EHD1: variants seen among roughly 807,000 people sequenced by gnomAD.
EHD1 encodes the protein EH domain containing 1.
Under a neutral mutation model 39.0 loss-of-function variants are expected in EHD1, and 19 were observed. That is an observed-to-expected ratio of 0.49 (90% CI 0.34 to 0.72). EHD1 has a LOEUF of 0.72. Ranked by LOEUF, EHD1 falls within the 30% of genes least tolerant of loss-of-function variation. EHD1 has a pLI of 0.01. For missense variants in EHD1, 542 were observed against 751.5 expected, an observed-to-expected ratio of 0.72 and a Z score of 3.26; for synonymous variants, 323 against 331.2, an observed-to-expected ratio of 0.98 and a Z score of 0.27.
chr11:64,875,823 C>T (rs1307598649), intron 1 of EHD1, among the ~76,000 whole-genome samples: 2 of 152,138 alleles, frequency 1.3e-5, no homozygotes, highest in African/African-American at 4.8e-5. Flanking sequence ...CTCGCCAGTG[C>T]CAGTAGCAAT....
Position 64,852,818 on chromosome 11 carries a change from T to G in EHD1, c.*1515A>C, listed in dbSNP as rs577413149. ...GAACAAGCCACTGCAACTTCAACAG[T>G]GACTTCCCGGCAAGGACAGCGCCCG... On this transcript the variant is annotated 3_prime_UTR_variant, in exon 5 of 5. Transcript: ENST00000320631. The G allele has an allele frequency of 6.6e-6, 1 of 152,640 alleles. No homozygotes were observed. The highest frequency in any genetic ancestry group is 2.4e-5 in the African/African-American group (1 of 41,472). The allele number at this position is 152,640 out of a possible 1,614,324, so 9.5% of individuals were successfully genotyped here.
At chr11:64,877,972 G>T in intron 1 of EHD1, 89 bp downstream of exon 1, 1 of 1,346,078 alleles carries the variant, frequency 7.4e-7, no homozygotes, top group Non-Finnish European at 9.8e-7. Context: ...GACAAAGGAC[G>T]GCGGGGCGAC....
intron 1 of EHD1, among the ~76,000 whole-genome samples, chr11:64,875,289 G>A (rs1378940537): frequency 6.6e-6 from 1 of 152,188 alleles, no homozygotes. Context: ...GGTGGCTCAC[G>A]CCTGTAATCC....
upstream of EHD1, chr11:64,879,471 GA>G (rs1165144914): frequency 8.3e-6 from 11 of 1,324,206 alleles, no homozygotes; most frequent in Non-Finnish European, 6.2e-6. Context: ...CCTATGTGGG[GA>G]AGAGGGGAAG....
At chr11:64,866,051 T>C (rs1055735837) in intron 2 of EHD1, among the ~76,000 whole-genome samples, 2 of 152,142 alleles carry the variant, frequency 1.3e-5, no homozygotes, top group Non-Finnish European at 2.9e-5. Context: ...TAAGGACACA[T>C]GCACACATAC....
chr11:64,859,560 A>C (rs1236313552), intron 3 of EHD1: 1 of 207,264 alleles, frequency 4.8e-6, no homozygotes, highest in Non-Finnish European at 9.7e-6. Context: ...AGGGAAGCCA[A>C]CAAGCCTTAG....
upstream of EHD1, chr11:64,878,908 C>T: frequency 9.7e-7 from 1 of 1,029,520 alleles, no homozygotes; most frequent in Non-Finnish European, 1.2e-6. Context: ...GGGCGTTCGG[C>T]GGAGACGGCC....
intron 2 of EHD1, among the ~76,000 whole-genome samples, chr11:64,862,638 C>T (rs767498312): frequency 1.4e-4 from 21 of 152,138 alleles, no homozygotes; most frequent in Non-Finnish European, 2.1e-4. Context: ...GACAACTAGG[C>T]CTCTTCAACA....
intron 2 of EHD1, among the ~76,000 whole-genome samples, chr11:64,862,486 C>A: frequency 6.6e-6 from 1 of 152,132 alleles, no homozygotes; most frequent in East Asian, 1.9e-4. Context: ...ATGGGAGGAG[C>A]TGGAGGAAGC....
chr11:64,861,720 A>G (rs1943718539), intron 2 of EHD1, among the ~76,000 whole-genome samples: 1 of 152,208 alleles, frequency 6.6e-6, no homozygotes, highest in Non-Finnish European at 1.5e-5. Context: ...AGAAACTATA[A>G]GGTCTGCAAA....
At chr11:64,867,607 T>TA (rs1320379320) in intron 2 of EHD1, among the ~76,000 whole-genome samples, 3 of 151,992 alleles carry the variant, frequency 2.0e-5, no homozygotes, top group African/African-American at 7.3e-5. Flanking sequence ...TAATCCCAGC[T>TA]ACTTGGGAGG....
chr11:64,878,617 C>A lies in EHD1; in HGVS notation c.-153G>T, dbSNP rs999369163. 19 of 1,417,116 alleles carry A rather than the reference C, an allele frequency of 1.3e-5. No individual in the cohort carries two copies. Among genetic ancestry groups the A allele is most frequent in the Middle Eastern group, 5.2e-4 (2 of 3,830 alleles). The allele number at this position is 1,417,116 out of a possible 1,614,324, so 87.8% of individuals were successfully genotyped here. On this transcript the variant is annotated 5_prime_UTR_variant, in exon 1 of 5. Coordinates refer to ENST00000320631, the MANE Select transcript of EHD1 (RefSeq NM_006795.4). ...CCCAGCCCGTCGAAGCGCCCTCTGC[C>A]GAATGCTGCGCACCCCTCGCGGAGC... is the stretch of plus-strand genomic sequence containing the variant.
At position 64,852,664 on chromosome 11, in the gene EHD1, C is replaced by G. The variant is rs1943594445; in HGVS notation, c.*1669G>C. 1 of 152,652 alleles carries G rather than the reference C, an allele frequency of 6.6e-6. No individual in the cohort carries two copies. Among genetic ancestry groups the G allele is most frequent in the African/African-American group, 2.4e-5 (1 of 41,440 alleles). 9.5% of individuals were successfully genotyped at this position (152,652 alleles called of 1,614,324 possible). A position where few individuals can be genotyped will look rare whatever the true frequency, so the allele number is the denominator to read the frequency against. ...CACTCTGTCCCTGCTGGCATCACCC[C>G]CTCAGACACCAGGGGAGGATGGCCC... On this transcript the variant is annotated 3_prime_UTR_variant, in exon 5 of 5. Coordinates refer to ENST00000320631, the MANE Select transcript of EHD1 (RefSeq NM_006795.4).
upstream of EHD1, chr11:64,878,859 G>T: frequency 1.8e-6 from 2 of 1,093,410 alleles, no homozygotes; most frequent in Non-Finnish European, 2.2e-6. Flanking sequence ...CCCTCGTAGG[G>T]AGGCTCGCGA....
At chr11:64,859,630 C>T (rs1437073562) in intron 3 of EHD1, 1 of 378,636 alleles carries the variant, frequency 2.6e-6, no homozygotes, top group African/African-American at 2.0e-5. Flanking sequence ...CGGTAACTTC[C>T]TGTGTGCTGT....
chr11:64,863,463 G>A (rs1224322018), intron 2 of EHD1, among the ~76,000 whole-genome samples: 2 of 152,184 alleles, frequency 1.3e-5, no homozygotes, highest in East Asian at 1.9e-4. Flanking sequence ...TCCACTACAC[G>A]GGTTCCCCCT....
chr11:64,859,089 C>T (rs573534816), intron 3 of EHD1, among the ~76,000 whole-genome samples: 88 of 152,318 alleles, frequency 5.8e-4, no homozygotes, highest in African/African-American at 2.0e-3. Flanking sequence ...GCTCCCGCAG[C>T]AGCCTGTGCT....
Position 64,859,984 on chromosome 11 carries a change from C to T in EHD1, c.855G>A (p.Leu285=). ...GCTTCCTGAGGGCGGCGTTTCGGGG[C>T]AGTGACTGGATGTCCTTGAAGAGGT... ...EQDLFKDIQS[L]PRNAALRKLN... The change falls in exon 3 of 5, where the codon CTG becomes CTA. Residue 285 remains leucine (L), a synonymous_variant. Transcript: ENST00000320631. 5.6e-6 allele frequency: 9 copies of T among 1,613,922 alleles called. No individual in the cohort carries two copies. The highest frequency in any genetic ancestry group is 7.6e-6 in the Non-Finnish European group (9 of 1,180,018).
chr11:64,878,672 G>A (rs1943918739), upstream of EHD1: 11 of 1,359,006 alleles, frequency 8.1e-6, no homozygotes, highest in East Asian at 2.9e-5. Flanking sequence ...CCTCAGTGGC[G>A]GCTAGCGCCG....
Sources: gnomAD v4.1 joint callset for allele counts (sites outside exome capture counted in the v4.1 genomes callset) on GRCh38, gnomAD v4.1.1 for gene constraint, MANE v1.5 for transcripts, NCBI Gene and HGNC (gene_info 2026-07-23, HGNC 2026-07-21) for gene names.